Variants in DLG2 observed in about 807,000 individuals in gnomAD.
The protein encoded by DLG2 is discs large MAGUK scaffold protein 2.
In DLG2, 45 loss-of-function variants were observed where a neutral mutation model predicts 132.5. That is an observed-to-expected ratio of 0.34 (90% CI 0.27 to 0.44). The LOEUF (loss-of-function observed/expected upper bound fraction) is 0.44. DLG2 is among the 20% of genes least tolerant of loss of function. The pLI is 1.00. For missense variants in DLG2, 1,045 were observed against 1,196.9 expected (o/e 0.87, Z 1.87); for synonymous variants, 424 against 419.6 (o/e 1.01, Z -0.13).
chr11:84,335,504 C>T (rs543614065), intron 7 of DLG2, among the ~76,000 whole-genome samples: 2 of 152,314 alleles, frequency 1.3e-5, no homozygotes, highest in South Asian at 4.1e-4. Context: ...CTGGATCAGA[C>T]ATCAAAACTG....
chr11:84,710,534 A>G (rs1427205838), intron 6 of DLG2, among the ~76,000 whole-genome samples: 1 of 151,912 alleles, frequency 6.6e-6, no homozygotes, highest in African/African-American at 2.4e-5. Context: ...TTATAAAATA[A>G]TATCATTATT....
At chr11:85,263,341 T>A (rs1230179136) in intron 4 of DLG2, among the ~76,000 whole-genome samples, 1 of 152,144 alleles carries the variant, frequency 6.6e-6, no homozygotes, top group Non-Finnish European at 1.5e-5. Context: ...CATGGGAGAA[T>A]TTAGAGTGAG....
At chr11:84,530,729 A>G (rs1388011975) in intron 7 of DLG2, among the ~76,000 whole-genome samples, 3 of 152,214 alleles carry the variant, frequency 2.0e-5, no homozygotes, top group African/African-American at 2.4e-5. Context: ...TTCTCAAATA[A>G]CTTAAAACAG....
chr11:85,153,593 C>A (rs1177292078), intron 5 of DLG2, among the ~76,000 whole-genome samples: 3 of 151,908 alleles, frequency 2.0e-5, no homozygotes. Flanking sequence ...AAAAAATACT[C>A]CCAATTATTT....
chr11:83,472,852 C>G lies in DLG2; in HGVS notation c.2294-75G>C, dbSNP rs2092231100. The G allele has an allele frequency of 3.2e-6, 4 of 1,247,454 alleles. No homozygotes were observed. In the East Asian group the frequency reaches 9.4e-5, roughly 29 times the overall value. The allele number at this position is 1,247,454 out of a possible 1,614,324, so 77.3% of individuals were successfully genotyped here. A position where few individuals can be genotyped will look rare whatever the true frequency, so the allele number is the denominator to read the frequency against. On this transcript the variant is annotated intron_variant, in intron 22 of 27. Coordinates refer to ENST00000376104, the MANE Select transcript of DLG2 (RefSeq NM_001142699.3). ...CAGAGACAAGCCCTGCTCTGAAACA[C>G]AGGAAACAGACACAGCTCAGAGTTA... is the stretch of plus-strand genomic sequence containing the variant.
chr11:85,618,124 A>T (rs917224976), intron 2 of DLG2, among the ~76,000 whole-genome samples: 3 of 152,214 alleles, frequency 2.0e-5, no homozygotes, highest in Admixed American at 6.5e-5. Flanking sequence ...ATTCAGAATG[A>T]CTAACTGGAC....
intron 7 of DLG2, among the ~76,000 whole-genome samples, chr11:84,274,089 T>A (rs1361525175): frequency 6.6e-6 from 1 of 152,156 alleles, no homozygotes; most frequent in Non-Finnish European, 1.5e-5. Flanking sequence ...CAAAGAAATA[T>A]GCATGTGCAC....
intron 6 of DLG2, among the ~76,000 whole-genome samples, chr11:84,915,057 G>A (rs985811650): frequency 1.3e-5 from 2 of 152,194 alleles, no homozygotes; most frequent in Non-Finnish European, 2.9e-5. Flanking sequence ...AGAAGCCCTA[G>A]TGTTGGCTTC....
At chr11:85,599,041 C>G (rs1434904057) in intron 2 of DLG2, among the ~76,000 whole-genome samples, 1 of 152,136 alleles carries the variant, frequency 6.6e-6, no homozygotes, top group African/African-American at 2.4e-5. Context: ...CAATCCTGGC[C>G]ACGATGTTCA....
intron 19 of DLG2, among the ~76,000 whole-genome samples, chr11:83,616,690 C>A (rs115328201): frequency 0.014 from 2,058 of 152,132 alleles, 51 homozygotes; most frequent in African/African-American, 0.047. Flanking sequence ...GATTAGTATG[C>A]TTTGTGCCTG....
At chr11:85,471,901 T>C (rs528642866) in intron 3 of DLG2, among the ~76,000 whole-genome samples, 2 of 152,168 alleles carry the variant, frequency 1.3e-5, no homozygotes, top group African/African-American at 4.8e-5. Flanking sequence ...CAAAGAATTA[T>C]ATAAGCAATC....
intron 17 of DLG2, among the ~76,000 whole-genome samples, chr11:83,812,467 T>C (rs73515136): frequency 0.014 from 2,092 of 152,240 alleles, 55 homozygotes; most frequent in African/African-American, 0.048. Flanking sequence ...TTGGGTTTGG[T>C]ATGAAGAAGA....
At chr11:83,657,646 C>G (rs2072994907) in intron 18 of DLG2, among the ~76,000 whole-genome samples, 1 of 144,534 alleles carries the variant, frequency 6.9e-6, no homozygotes. Flanking sequence ...TCACGCCATT[C>G]TCCTGCCTCA....
chr11:84,445,808 C>T (rs1431143238), intron 7 of DLG2, among the ~76,000 whole-genome samples: 5 of 148,088 alleles, frequency 3.4e-5, no homozygotes, highest in Admixed American at 2.1e-4. Context: ...CCCAGCTGCT[C>T]GGGAGGCTGA....
At chr11:84,648,614 C>A (rs568394081) in intron 6 of DLG2, among the ~76,000 whole-genome samples, 1 of 152,084 alleles carries the variant, frequency 6.6e-6, no homozygotes, top group Non-Finnish European at 1.5e-5. Context: ...TCATGCACTG[C>A]TGGGTGCCTT....
chr11:83,790,069 C>A (rs1186863661), intron 17 of DLG2: 2 of 1,165,236 alleles, frequency 1.7e-6, no homozygotes, highest in Admixed American at 5.0e-5. Context: ...CAAAATGACA[C>A]AGGTACTGCA....
At chr11:85,349,391 G>A (rs1354253458) in intron 3 of DLG2, among the ~76,000 whole-genome samples, 1 of 151,826 alleles carries the variant, frequency 6.6e-6, no homozygotes, top group Non-Finnish European at 1.5e-5. Flanking sequence ...ACTAAAGAAT[G>A]CAACCACACC....
intron 19 of DLG2, among the ~76,000 whole-genome samples, chr11:83,628,778 C>T (rs1186518878): frequency 5.9e-5 from 9 of 152,012 alleles, no homozygotes; most frequent in Admixed American, 1.3e-4. Context: ...GTCTGTGTAC[C>T]GTGTTATCTG....
In DLG2 at chr11:83,833,694, C is replaced by T. The variant is rs1192414024; in HGVS notation, c.1642G>A (p.Gly548Ser). The T allele has an allele frequency of 6.2e-7, 1 of 1,614,102 alleles. No individual in the cohort carries two copies. The highest frequency in any genetic ancestry group is 8.5e-7 in the Non-Finnish European group (1 of 1,179,978). The change falls in exon 17 of 28, where the codon GGT becomes AGT. Residue 548 changes from glycine (G) to serine (S), a missense_variant. By Grantham distance (56) the Gly-to-Ser change is moderately conservative. Coordinates refer to ENST00000376104, the MANE Select transcript of DLG2 (RefSeq NM_001142699.3). ...FNIVGGEDGE[G>S]IFVSFILAGG... is the part of the protein sequence containing the mutation. ...GCCAGAATGAAGGACACAAAAATACCTTCTCCATCTTCCCCACCGACAATG... is the reference window on the plus strand; with the variant it reads ...GCCAGAATGAAGGACACAAAAATACTTTCTCCATCTTCCCCACCGACAATG...
Sources: allele counts gnomAD v4.1 joint callset (sites outside exome capture counted in the v4.1 genomes callset), GRCh38; gene constraint gnomAD v4.1.1; transcripts MANE v1.5; gene names NCBI Gene and HGNC (gene_info 2026-07-23, HGNC 2026-07-21).